EYA4: variants seen among roughly 807,000 people sequenced by gnomAD.
EYA4 encodes EYA transcriptional coactivator and phosphatase 4.
Under a neutral mutation model 87.9 loss-of-function variants are expected in EYA4, and 31 were observed. That is an observed-to-expected ratio of 0.35 (90% CI 0.27 to 0.48). The LOEUF is 0.48. Ranked by LOEUF, EYA4 falls within the 20% of genes least tolerant of loss-of-function variation. The probability of loss-of-function intolerance (pLI) is 0.99; values close to 1 mark genes in which losing one functional copy is unlikely to be tolerated. For synonymous variants in EYA4, 263 were observed against 270.6 expected (o/e 0.97, Z 0.28); for missense variants, 678 against 761.4 (o/e 0.89, Z 1.29).
Position 133,531,301 on chromosome 6 carries a change from G to A in EYA4, c.*2496G>A, listed in dbSNP as rs991016119. ...TGCAGGCCCACGAGCCAGCATCACA[G>A]CTTGGCCATGGGACGTTGAGTATGC... On this transcript the variant is annotated 3_prime_UTR_variant, in exon 20 of 20. Coordinates refer to ENST00000355286, the MANE Select transcript of EYA4 (RefSeq NM_004100.5). 5.2e-6 allele frequency: 6 copies of A among 1,149,802 alleles called. No homozygotes were observed. The highest frequency in any genetic ancestry group is 3.1e-5 in the African/African-American group (2 of 65,568). The allele number at this position is 1,149,802 out of a possible 1,614,324, so 71.2% of individuals were successfully genotyped here. A position where few individuals can be genotyped will look rare whatever the true frequency, so the allele number is the denominator to read the frequency against.
intron 2 of EYA4, among the ~76,000 whole-genome samples, chr6:133,336,173 A>C (rs1782351248): frequency 6.6e-6 from 1 of 152,128 alleles, no homozygotes; most frequent in Admixed American, 6.5e-5. Context: ...CAGATGCTAA[A>C]ATTGTTAGAG....
At chr6:133,330,563 A>G (rs1781851890) in intron 2 of EYA4, among the ~76,000 whole-genome samples, 2 of 54,588 alleles carry the variant, frequency 3.7e-5, no homozygotes, top group South Asian at 1.5e-3. Context: ...ATATATATAT[A>G]TATATACACA....
Position 133,399,589 on chromosome 6 carries a change from G to T in EYA4, c.83+17148G>T, listed in dbSNP as rs116428720. 3.9e-3 allele frequency among the ~76,000 whole-genome samples: 594 copies of T among 152,322 alleles called. 2 individuals carry two copies. The highest frequency in any genetic ancestry group is 0.014 in the African/African-American group (574 of 41,578). On this transcript the variant is annotated intron_variant, in intron 3 of 19. Coordinates refer to ENST00000355286, the MANE Select transcript of EYA4 (RefSeq NM_004100.5). ...AAGAATGTCAACTTGGACTACATCT[G>T]CTGAAAATCAAAGTGTAAGTAGTTA...
chr6:133,338,140 G>A (rs1342547240), intron 2 of EYA4, among the ~76,000 whole-genome samples: 5 of 152,154 alleles, frequency 3.3e-5, no homozygotes, highest in African/African-American at 2.4e-5. Flanking sequence ...AGCTTACTTT[G>A]TGGGCTTACC....
At chr6:133,256,471 G>C (rs1361983748) in intron 1 of EYA4, among the ~76,000 whole-genome samples, 1 of 151,876 alleles carries the variant, frequency 6.6e-6, no homozygotes, top group East Asian at 1.9e-4. Flanking sequence ...TCTGTGCCAG[G>C]CACAGTTCTA....
intron 2 of EYA4, among the ~76,000 whole-genome samples, chr6:133,275,838 A>G (rs1469319664): frequency 1.3e-5 from 2 of 152,142 alleles, no homozygotes; most frequent in African/African-American, 2.4e-5. Flanking sequence ...TTATATTATG[A>G]TTTATTTCAC....
chr6:133,381,142 A>G (rs1285350622), intron 2 of EYA4, among the ~76,000 whole-genome samples: 2 of 139,122 alleles, frequency 1.4e-5, no homozygotes, highest in African/African-American at 2.7e-5. Flanking sequence ...CATAGAAGAC[A>G]TTACATAATA....
At chr6:133,438,593 T>C (rs1791938246) in intron 3 of EYA4, among the ~76,000 whole-genome samples, 1 of 151,938 alleles carries the variant, frequency 6.6e-6, no homozygotes, top group African/African-American at 2.4e-5. Context: ...TATGGACGCT[T>C]ACTGTACTTT....
chr6:133,344,834 A>G (rs553868807), intron 2 of EYA4, among the ~76,000 whole-genome samples: 10 of 152,252 alleles, frequency 6.6e-5, no homozygotes, highest in Admixed American at 4.6e-4. Flanking sequence ...TGTTTATAAC[A>G]ATGTGAATGG....
At chr6:133,378,794 T>G (rs934526754) in intron 2 of EYA4, among the ~76,000 whole-genome samples, 1 of 152,090 alleles carries the variant, frequency 6.6e-6, no homozygotes, top group Non-Finnish European at 1.5e-5. Flanking sequence ...TAGTTAAATA[T>G]TTAACTCTTT....
chr6:133,279,021 G>A (rs921084874), intron 2 of EYA4, among the ~76,000 whole-genome samples: 17 of 151,930 alleles, frequency 1.1e-4, no homozygotes, highest in Non-Finnish European at 1.9e-4. Flanking sequence ...TATTTTTATA[G>A]CTTCTATAAT....
chr6:133,472,938 A>G (rs1193656884), intron 11 of EYA4, among the ~76,000 whole-genome samples: 1 of 151,254 alleles, frequency 6.6e-6, no homozygotes, highest in Non-Finnish European at 1.5e-5. Flanking sequence ...TTTGTTTTCC[A>G]TTGGCTTGGT....
chr6:133,455,849 T>G (rs1295026271), intron 5 of EYA4, among the ~76,000 whole-genome samples: 1 of 152,172 alleles, frequency 6.6e-6, no homozygotes, highest in African/African-American at 2.4e-5. Context: ...ATGATAATAA[T>G]GTGTACTAGG....
At chr6:133,258,099 G>T (rs145586486) in intron 1 of EYA4, among the ~76,000 whole-genome samples, 2 of 152,194 alleles carry the variant, frequency 1.3e-5, no homozygotes, top group East Asian at 3.9e-4. Context: ...GGCCATAGCA[G>T]TGTCTATGGG....
intron 2 of EYA4, among the ~76,000 whole-genome samples, chr6:133,281,000 C>T (rs879864690): frequency 6.6e-5 from 10 of 152,028 alleles, no homozygotes; most frequent in East Asian, 1.9e-4. Flanking sequence ...GCTTTTTATA[C>T]GTGACATAAT....
intron 13 of EYA4, among the ~76,000 whole-genome samples, chr6:133,487,903 C>A (rs377519454): frequency 2.0e-4 from 30 of 152,244 alleles, no homozygotes; most frequent in East Asian, 1.2e-3. Context: ...AGCTTGGCAA[C>A]AGTGGGATAG....
At chr6:133,283,219 G>A (rs902410223) in intron 2 of EYA4, among the ~76,000 whole-genome samples, 4 of 151,912 alleles carry the variant, frequency 2.6e-5, no homozygotes, top group Non-Finnish European at 4.4e-5. Context: ...GCTTGAACCC[G>A]GGAAGCGGAG....
At chr6:133,437,582 C>T (rs1791812617) in intron 3 of EYA4, among the ~76,000 whole-genome samples, 1 of 152,174 alleles carries the variant, frequency 6.6e-6, no homozygotes, top group African/African-American at 2.4e-5. Flanking sequence ...AGTCCATTTT[C>T]ATACTGCTGT....
intron 4 of EYA4, 141 bp downstream of exon 4, chr6:133,446,895 A>G (rs1055584409): frequency 1.1e-6 from 1 of 893,382 alleles, no homozygotes; most frequent in Non-Finnish European, 1.7e-6. Context: ...TATAATTAAT[A>G]TTGATTGTTT....
Sources: gnomAD v4.1 joint callset for allele counts (sites outside exome capture counted in the v4.1 genomes callset) on GRCh38, gnomAD v4.1.1 for gene constraint, MANE v1.5 for transcripts, NCBI Gene and HGNC (gene_info 2026-07-23, HGNC 2026-07-21) for gene names.